Variants in SOX5 observed in about 807,000 individuals in gnomAD.
The protein encoded by SOX5 is transcription factor SOX-5.
A neutral mutation model predicts 92.0 loss-of-function variants in SOX5; 9 were observed. That is an observed-to-expected ratio of 0.10 (90% confidence interval 0.06 to 0.17). SOX5 has a LOEUF of 0.17. Ranked by LOEUF, SOX5 falls within the 10% of genes least tolerant of loss-of-function variation. The probability of loss-of-function intolerance (pLI) is 1.00; values close to 1 mark genes in which losing one functional copy is unlikely to be tolerated. For synonymous variants in SOX5, 344 were observed against 336.3 expected (o/e 1.02, Z -0.25); for missense variants, 642 against 944.5 (o/e 0.68, Z 4.20).
intron 4 of SOX5, among the ~76,000 whole-genome samples, chr12:24,172,917 A>G (rs1954365067): frequency 6.6e-6 from 1 of 152,192 alleles, no homozygotes; most frequent in African/African-American, 2.4e-5. Context: ...ATGAAACTTT[A>G]TTATTAAAAG....
intron 1 of SOX5, among the ~76,000 whole-genome samples, chr12:24,445,181 A>G (rs550838143): frequency 1.3e-5 from 2 of 152,190 alleles, no homozygotes; most frequent in Admixed American, 6.5e-5. Flanking sequence ...ATTGTCAGTT[A>G]GTGATTTTAT....
At chr12:23,562,605 AT>A (rs1946403615) in intron 11 of SOX5, among the ~76,000 whole-genome samples, 1 of 152,204 alleles carries the variant, frequency 6.6e-6, no homozygotes, top group African/African-American at 2.4e-5. Context: ...AATTCTGAGG[AT>A]TTTACAACTT....
chr12:24,219,581 G>A (rs1459568857), intron 3 of SOX5, among the ~76,000 whole-genome samples: 1 of 151,978 alleles, frequency 6.6e-6, no homozygotes, highest in Non-Finnish European at 1.5e-5. Flanking sequence ...TAACCTAAGA[G>A]ACTCACATTT....
chr12:24,007,192 T>A (rs1157851829), intron 4 of SOX5, among the ~76,000 whole-genome samples: 1 of 62,754 alleles, frequency 1.6e-5, no homozygotes, highest in African/African-American at 5.5e-5. Context: ...TATATAAATG[T>A]ATATAAATGT....
chr12:23,804,842 G>A (rs1045785904), intron 3 of SOX5, among the ~76,000 whole-genome samples: 42 of 143,682 alleles, frequency 2.9e-4, no homozygotes, highest in African/African-American at 9.8e-4. Context: ...TTCTGATTAC[G>A]ATATCTGTAC....
chr12:24,251,043 G>A (rs992206842), intron 3 of SOX5, among the ~76,000 whole-genome samples: 37 of 152,138 alleles, frequency 2.4e-4, no homozygotes, highest in Non-Finnish European at 1.5e-4. Context: ...ACTAAATTTC[G>A]TGGAGTTGGC....
chr12:23,971,307 A>G (rs1261193312), intron 4 of SOX5, among the ~76,000 whole-genome samples: 1 of 151,136 alleles, frequency 6.6e-6, no homozygotes, highest in East Asian at 2.0e-4. Context: ...TATTTTTAGT[A>G]GAGACGGGAT....
At chr12:23,838,778 CT>C (rs756310501) in intron 3 of SOX5, among the ~76,000 whole-genome samples, 24 of 141,276 alleles carry the variant, frequency 1.7e-4, no homozygotes, top group Non-Finnish European at 2.7e-4. Flanking sequence ...TCTATTTCTT[CT>C]TTTATACCCA....
intron 4 of SOX5, among the ~76,000 whole-genome samples, chr12:24,124,562 CA>C (rs35701853): frequency 0.14 from 18,479 of 133,514 alleles, 1,265 homozygotes; most frequent in Admixed American, 0.19. Context: ...AGGAATGGGA[CA>C]AAAAAAAAAA....
chr12:24,067,508 T>C (rs911891546), intron 4 of SOX5, among the ~76,000 whole-genome samples: 3 of 152,032 alleles, frequency 2.0e-5, no homozygotes, highest in Non-Finnish European at 4.4e-5. Context: ...GAAGTTAGAA[T>C]GATTGCAGAT....
chr12:24,299,047 T>C (rs1467900674), intron 2 of SOX5, among the ~76,000 whole-genome samples: 1 of 152,210 alleles, frequency 6.6e-6, no homozygotes, highest in Non-Finnish European at 1.5e-5. Flanking sequence ...TATTCAAAGA[T>C]AATTCATAGC....
chr12:24,196,324 G>A (rs762977623), intron 4 of SOX5, among the ~76,000 whole-genome samples: 1 of 152,200 alleles, frequency 6.6e-6, no homozygotes, highest in Non-Finnish European at 1.5e-5. Context: ...ACAATGACAT[G>A]ATAAAACAGT....
At chr12:23,706,300 C>T (rs1390207988) in intron 6 of SOX5, among the ~76,000 whole-genome samples, 1 of 152,010 alleles carries the variant, frequency 6.6e-6, no homozygotes, top group East Asian at 1.9e-4. Flanking sequence ...AGTATTTATA[C>T]ACACTATTGG....
At chr12:24,376,713 T>TC in intron 1 of SOX5, among the ~76,000 whole-genome samples, 1 of 40,856 alleles carries the variant, frequency 2.4e-5, no homozygotes, top group South Asian at 7.0e-4. Context: ...TTTTTTTTTT[T>TC]TTTTTTTTTT....
intron 2 of SOX5, among the ~76,000 whole-genome samples, chr12:23,859,056 C>G (rs986750134): frequency 6.6e-6 from 1 of 152,012 alleles, no homozygotes; most frequent in Admixed American, 6.6e-5. Flanking sequence ...GTGATGATTG[C>G]GTTAACTGTA....
chr12:24,348,377 T>TATTTATTTATTTATTTC (rs1953611534), intron 2 of SOX5, among the ~76,000 whole-genome samples: 1 of 150,866 alleles, frequency 6.6e-6, no homozygotes, highest in Non-Finnish European at 1.5e-5. Flanking sequence ...TTTATTTATT[T>TATTTATTTATTTATTTC]ATTTATTTAT....
intron 2 of SOX5, among the ~76,000 whole-genome samples, chr12:23,859,080 A>G (rs1595112397): frequency 6.9e-6 from 1 of 145,458 alleles, no homozygotes; most frequent in East Asian, 2.0e-4. Context: ...ATTGTAAAAC[A>G]TGTGTGTTTG....
intron 2 of SOX5, among the ~76,000 whole-genome samples, chr12:23,865,393 G>A (rs1660544026): frequency 6.6e-6 from 1 of 152,028 alleles, no homozygotes. Context: ...ATACATTTTG[G>A]GGCCAAGCAC....
chr12:24,362,116 A>G, intron 2 of SOX5, among the ~76,000 whole-genome samples: 1 of 152,256 alleles, frequency 6.6e-6, no homozygotes, highest in Non-Finnish European at 1.5e-5. Context: ...TCAGCTAGGC[A>G]AATAAGTGTT....
Sources: allele counts gnomAD v4.1 joint callset (sites outside exome capture counted in the v4.1 genomes callset), GRCh38; gene constraint gnomAD v4.1.1; transcripts MANE v1.5; gene names NCBI Gene and HGNC (gene_info 2026-07-23, HGNC 2026-07-21).